The following RBFOX1 variants were observed in gnomAD, a reference collection of about 807,000 sequenced individuals.
RBFOX1 encodes RNA binding fox-1 homolog 1, also known as RNA binding protein fox-1 homolog 1.
A neutral mutation model predicts 57.7 loss-of-function variants in RBFOX1; 8 were observed. The ratio of observed to expected loss-of-function variants is 0.14; its 90% confidence interval spans 0.08 to 0.25. The LOEUF is 0.25. RBFOX1 is among the 10% of genes least tolerant of loss of function. The probability of loss-of-function intolerance (pLI) is 1.00; values close to 1 mark genes in which losing one functional copy is unlikely to be tolerated. For synonymous variants in RBFOX1, 326 were observed against 222.4 expected (o/e 1.47, Z -4.15); for missense variants, 611 against 548.5 (o/e 1.11, Z -1.14).
At chr16:7,235,801 A>G (rs1382866087) in intron 4 of RBFOX1, among the ~76,000 whole-genome samples, 1 of 152,220 alleles carries the variant, frequency 6.6e-6, no homozygotes, top group African/African-American at 2.4e-5. Flanking sequence ...GCTAGCCTGA[A>G]CTAAAAAATA....
intron 4 of RBFOX1, among the ~76,000 whole-genome samples, chr16:7,284,673 C>G (rs1487623281): frequency 6.6e-6 from 1 of 152,184 alleles, no homozygotes; most frequent in African/African-American, 2.4e-5. Flanking sequence ...AGGCAGAGGA[C>G]AGAGTGGTAG....
chr16:6,988,567 A>ATTTTATTTT (rs1307828977), intron 3 of RBFOX1, among the ~76,000 whole-genome samples: 1 of 148,818 alleles, frequency 6.7e-6, no homozygotes, highest in African/African-American at 2.5e-5. Flanking sequence ...AACTTTATTT[A>ATTTTATTTT]ATTTTATTTT....
At chr16:5,364,659 G>A (rs2065656300) in intron 1 of RBFOX1, among the ~76,000 whole-genome samples, 1 of 152,136 alleles carries the variant, frequency 6.6e-6, no homozygotes, top group South Asian at 2.1e-4. Context: ...AAGCACTTGT[G>A]CTCTACACGC....
At chr16:7,198,122 C>T (rs907577623) in intron 4 of RBFOX1, among the ~76,000 whole-genome samples, 7 of 150,682 alleles carry the variant, frequency 4.6e-5, no homozygotes, top group Non-Finnish European at 8.8e-5. Flanking sequence ...TCTCCTGCCT[C>T]AGCCTCCCAA....
intron 3 of RBFOX1, among the ~76,000 whole-genome samples, chr16:6,913,967 C>T (rs376344330): frequency 9.9e-5 from 15 of 152,264 alleles, no homozygotes; most frequent in African/African-American, 1.9e-4. Flanking sequence ...ATTTATACTC[C>T]CCACCTCATG....
intron 2 of RBFOX1, among the ~76,000 whole-genome samples, chr16:6,587,801 C>A (rs1789145753): frequency 6.6e-6 from 1 of 152,204 alleles, no homozygotes; most frequent in Admixed American, 6.5e-5. Context: ...TGTGTAGTTT[C>A]ACCAATGATT....
intron 1 of RBFOX1, among the ~76,000 whole-genome samples, chr16:5,439,405 A>G (rs983797602): frequency 4.2e-4 from 64 of 152,216 alleles, no homozygotes; most frequent in Admixed American, 6.5e-5. Flanking sequence ...ACCTGGGTAG[A>G]AAACGCATCA....
intron 1 of RBFOX1, among the ~76,000 whole-genome samples, chr16:5,305,136 C>G (rs931073309): frequency 1.3e-5 from 2 of 152,038 alleles, no homozygotes; most frequent in African/African-American, 2.4e-5. Flanking sequence ...GAACGGGTAG[C>G]CTTACAGAAT....
At chr16:5,694,598 C>A (rs1436629313) in intron 3 of RBFOX1, among the ~76,000 whole-genome samples, 3 of 152,080 alleles carry the variant, frequency 2.0e-5, no homozygotes, top group African/African-American at 4.8e-5. Context: ...AAGATCACCA[C>A]TGTGCTAGGG....
intron 3 of RBFOX1, among the ~76,000 whole-genome samples, chr16:6,662,099 G>A (rs2098704956): frequency 6.8e-6 from 1 of 147,592 alleles, no homozygotes; most frequent in Non-Finnish European, 1.5e-5. Context: ...CAAAGAAGCA[G>A]AGAGTAGGAT....
At chr16:6,791,231 T>C (rs1567259959) in intron 3 of RBFOX1, among the ~76,000 whole-genome samples, 1 of 152,322 alleles carries the variant, frequency 6.6e-6, no homozygotes, top group East Asian at 1.9e-4. Context: ...TTTATAGAGT[T>C]GGCAGAAGAT....
intron 3 of RBFOX1, among the ~76,000 whole-genome samples, chr16:6,895,387 G>C (rs566881013): frequency 7.0e-6 from 1 of 143,418 alleles, no homozygotes; most frequent in Non-Finnish European, 1.5e-5. Context: ...TACCCTCTTC[G>C]TCTGCCTCAG....
At chr16:7,511,645 G>C (rs1007059795) in intron 4 of RBFOX1, among the ~76,000 whole-genome samples, 3 of 151,938 alleles carry the variant, frequency 2.0e-5, no homozygotes, top group Non-Finnish European at 4.4e-5. Context: ...TTATGAATCA[G>C]ACTTGGTTGC....
intron 4 of RBFOX1, among the ~76,000 whole-genome samples, chr16:7,341,121 T>C (rs554929481): frequency 7.2e-5 from 11 of 152,236 alleles, no homozygotes; most frequent in Non-Finnish European, 1.3e-4. Flanking sequence ...CCCCTATTTA[T>C]GTTTTTCCCC....
chr16:5,268,306 G>C (rs1192386538), intron 1 of RBFOX1, among the ~76,000 whole-genome samples: 1 of 152,024 alleles, frequency 6.6e-6, no homozygotes, highest in Non-Finnish European at 1.5e-5. Context: ...ACTGTGCCTG[G>C]ATTCTTAGCA....
At chr16:7,397,226 A>G (rs1178188740) in intron 4 of RBFOX1, among the ~76,000 whole-genome samples, 1 of 152,214 alleles carries the variant, frequency 6.6e-6, no homozygotes, top group Non-Finnish European at 1.5e-5. Flanking sequence ...GAGATTTCGA[A>G]GTGAAGACTT....
chr16:5,950,292 C>A (rs142105001), intron 4 of RBFOX1, among the ~76,000 whole-genome samples: 1 of 152,188 alleles, frequency 6.6e-6, no homozygotes, highest in South Asian at 2.1e-4. Context: ...AGACTGAACA[C>A]CCAGGAAGCC....
At chr16:7,041,587 A>C (rs1185407656) in intron 3 of RBFOX1, among the ~76,000 whole-genome samples, 4 of 152,178 alleles carry the variant, frequency 2.6e-5, no homozygotes, top group Non-Finnish European at 4.4e-5. Context: ...TGGAAGTTCT[A>C]CATAGTGATA....
intron 3 of RBFOX1, among the ~76,000 whole-genome samples, chr16:5,653,527 G>A (rs1393477422): frequency 6.6e-6 from 1 of 151,564 alleles, no homozygotes; most frequent in African/African-American, 2.4e-5. Flanking sequence ...GCCGTGTGCT[G>A]CGCCTTTGTG....
Sources: gnomAD v4.1 joint callset for allele counts (sites outside exome capture counted in the v4.1 genomes callset) on GRCh38, gnomAD v4.1.1 for gene constraint, MANE v1.5 for transcripts, NCBI Gene and HGNC (gene_info 2026-07-23, HGNC 2026-07-21) for gene names.